The following YJU2B variants were observed in gnomAD, a reference collection of about 807,000 sequenced individuals.
YJU2B encodes the protein YJU2 splicing factor homolog B.
YJU2B carries 18 observed loss-of-function variants against 38.0 expected under a neutral mutation model. The ratio of observed to expected loss-of-function variants is 0.47; its 90% CI spans 0.33 to 0.70. The LOEUF is 0.70. Among genes scored for constraint, YJU2B ranks in the 30% least tolerant of loss-of-function variants. The pLI, the probability that YJU2B is intolerant of heterozygous loss-of-function variation, is 0.02. For missense variants in YJU2B, 538 were observed against 556.3 expected, an observed-to-expected ratio of 0.97 and a Z score of 0.33; for synonymous variants, 246 against 225.4, an observed-to-expected ratio of 1.09 and a Z score of -0.82.
upstream of YJU2B, chr19:13,747,813 C>T (rs1259592280): frequency 2.0e-5 from 3 of 152,320 alleles, no homozygotes; most frequent in East Asian, 5.8e-4. Flanking sequence ...GGCGTATCGT[C>T]CTTCAGCCAA....
chr19:13,746,965 G>A (rs1214081154), upstream of YJU2B, among the ~76,000 whole-genome samples: 1 of 152,012 alleles, frequency 6.6e-6, no homozygotes, highest in East Asian at 1.9e-4. Context: ...GAGGATGGTG[G>A]TAACACAAGT....
intron 1 of YJU2B, among the ~76,000 whole-genome samples, chr19:13,748,570 C>A (rs571075366): frequency 1.3e-5 from 2 of 151,676 alleles, no homozygotes; most frequent in South Asian, 4.1e-4. Flanking sequence ...CATCTTAAGA[C>A]ACACACACAC....
At chr19:13,757,107 C>T (rs2145153504) in intron 4 of YJU2B, among the ~76,000 whole-genome samples, 1 of 152,028 alleles carries the variant, frequency 6.6e-6, no homozygotes, top group African/African-American at 2.4e-5. Flanking sequence ...CACCACTGCA[C>T]TCTAGCATGG....
intron 3 of YJU2B, among the ~76,000 whole-genome samples, chr19:13,755,220 T>C (rs1224784823): frequency 6.6e-6 from 1 of 150,670 alleles, no homozygotes; most frequent in African/African-American, 2.4e-5. Flanking sequence ...CCCAGCACTT[T>C]GGGAGGCCAA....
Position 13,762,671 on chromosome 19 carries a change from GCAGCAAGGT to G in YJU2B, c.799_807del (p.Lys267_Ser269del). 3.8e-6 allele frequency: 6 copies of G among 1,589,972 alleles called. No individual in the cohort carries two copies. Among genetic ancestry groups the G allele is most frequent in the Non-Finnish European group, 5.1e-6 (6 of 1,173,526 alleles). On this transcript the variant is annotated inframe_deletion, in exon 10 of 10. Coordinates refer to ENST00000221554, the MANE Select transcript of YJU2B (RefSeq NM_030818.4). ...CCCTCTGCCCCCGGATCCGCCTCCA[GCAGCAAGGT>G]CAGCGGCGTCCTGAAGAAGCTGGCA...
At chr19:13,758,689 G>A (rs1973760781) in intron 6 of YJU2B, among the ~76,000 whole-genome samples, 179 bp from the exon 7 acceptor site, 1 of 152,236 alleles carries the variant, frequency 6.6e-6, no homozygotes, top group Non-Finnish European at 1.5e-5. Flanking sequence ...CTGACAGAAG[G>A]TCCGTTCTGG....
intron 2 of YJU2B, among the ~76,000 whole-genome samples, chr19:13,736,742 A>G (rs1972957800): frequency 6.6e-6 from 1 of 151,962 alleles, no homozygotes; most frequent in Non-Finnish European, 1.5e-5. Context: ...TTTAAGAGAC[A>G]GGGTCTCGGC....
At chr19:13,762,263 A>ACC in intron 8 of YJU2B, 36 bp from the exon 9 acceptor site, 1 of 1,605,040 alleles carries the variant, frequency 6.2e-7, no homozygotes, top group South Asian at 1.1e-5. Flanking sequence ...GGGCTTTGAC[A>ACC]CCCCCTATCT....
intron 2 of YJU2B, among the ~76,000 whole-genome samples, chr19:13,734,549 C>T (rs1255594955): frequency 2.0e-5 from 3 of 152,118 alleles, no homozygotes; most frequent in Non-Finnish European, 2.9e-5. Flanking sequence ...CTCGGCCTCC[C>T]GAAGTGCTGG....
rs376116418 is a variant in YJU2B at position 13,754,357 on chromosome 19, C to T, written c.57+15C>T. ...ACCCTGAGAAGGTAAGCAGGCTCTC[C>T]GCTCCAGGTCCACAGTAGCAAAAAG... On this transcript the variant is annotated intron_variant, in intron 3 of 9. Coordinates refer to ENST00000221554, the MANE Select transcript of YJU2B (RefSeq NM_030818.4). The T allele has an allele frequency of 3.4e-5, 54 of 1,606,812 alleles. No homozygotes were observed. The highest frequency in any genetic ancestry group is 1.0e-4 in the Admixed American group (6 of 59,996).
intron 2 of YJU2B, among the ~76,000 whole-genome samples, chr19:13,739,902 C>T (rs1377801762): frequency 6.6e-6 from 1 of 152,146 alleles, no homozygotes; most frequent in Non-Finnish European, 1.5e-5. Flanking sequence ...CCCCTTGGCC[C>T]CCATTCCCTG....
chr19:13,751,808 G>A lies in YJU2B; in HGVS notation c.-1G>A, dbSNP rs1303729011. ...CTGAGGACCAGTAGGCAGCTCCCAA[G>A]ATGGTGAGTAGACAGCCTCGTGTGC... On this transcript the variant is annotated 5_prime_UTR_variant, in exon 2 of 10. Coordinates refer to ENST00000221554, the MANE Select transcript of YJU2B (RefSeq NM_030818.4). 6.2e-7 allele frequency: 1 copy of A among 1,614,166 alleles called. No individual in the cohort carries two copies. The highest frequency in any genetic ancestry group is 1.1e-5 in the South Asian group (1 of 91,086).
Position 13,758,946 on chromosome 19 carries a change from G to A in YJU2B, c.336G>A (p.Val112=), listed in dbSNP as rs550575784. ...TDPANCDYVI[V]SGAQRKEERW... ...CCGCCAACTGCGACTACGTGATCGT[G>A]AGTGGCGCCCAGCGCAAGGAGGAGC... The change falls in exon 7 of 10, where the codon GTG becomes GTA. Residue 112 remains valine (V), a synonymous_variant. Transcript: ENST00000221554. 1 of 1,614,074 alleles carries A rather than the reference G, an allele frequency of 6.2e-7. No individual in the cohort carries two copies. The highest frequency in any genetic ancestry group is 1.7e-5 in the Admixed American group (1 of 60,010).
At chr19:13,744,186 C>CAAAAA (rs561659940), upstream of YJU2B, among the ~76,000 whole-genome samples, 2 of 137,224 alleles carry the variant, frequency 1.5e-5, no homozygotes, top group East Asian at 4.2e-4. Flanking sequence ...GACTTAGTCT[C>CAAAAA]AAAAAAAAAA....
rs1973928695 is a variant in YJU2B, at chr19:13,762,448, G to T, written c.712+11G>T. ...TCCACACCCTGGACTGTGCGTAGGA[G>T]GCCAGGGGGAAAAGGGGACAGGGAG... On this transcript the variant is annotated intron_variant, in intron 9 of 9. Transcript: ENST00000221554. 2 of 1,610,510 alleles carry T rather than the reference G, an allele frequency of 1.2e-6. No homozygotes were observed. Among genetic ancestry groups the T allele is most frequent in the Non-Finnish European group, 1.7e-6 (2 of 1,179,408 alleles).
intron 6 of YJU2B, 40 bp downstream of exon 6, chr19:13,757,886 G>A (rs1380377850): frequency 6.4e-7 from 1 of 1,567,904 alleles, no homozygotes; most frequent in Non-Finnish European, 8.8e-7. Context: ...CAGGTGGGGT[G>A]GCCACAGGGC....
chr19:13,756,110 A>G, intron 3 of YJU2B, 87 bp from the exon 4 acceptor site: 1 of 1,032,578 alleles, frequency 9.7e-7, no homozygotes, highest in South Asian at 1.3e-5. Flanking sequence ...CCTGTGAGAC[A>G]CTTGTCCCAA....
chr19:13,739,691 T>C lies in YJU2B; in HGVS notation c.-202+7406T>C, dbSNP rs368597279. On this transcript the variant is annotated intron_variant, in intron 2 of 10. Coordinates refer to the YJU2B transcript ENST00000586600. ...AGTTTGAGTCTAGTCCTGGCTTCTTTATCCTTCCAGTCACCAATTAGAGCT... is the reference window on the plus strand; with the variant it reads ...AGTTTGAGTCTAGTCCTGGCTTCTTCATCCTTCCAGTCACCAATTAGAGCT... 1.0e-3 allele frequency among the ~76,000 whole-genome samples: 157 copies of C among 152,286 alleles called. 3 individuals carry two copies. The highest frequency in any genetic ancestry group is 3.6e-3 in the African/African-American group (148 of 41,564).
At chr19:13,757,574 G>T in intron 5 of YJU2B, 101 bp downstream of exon 5, 2 of 1,176,786 alleles carry the variant, frequency 1.7e-6, no homozygotes, top group Non-Finnish European at 2.5e-6. Context: ...TCAGGAATGA[G>T]GGAGGAGACG....
Sources: allele counts gnomAD v4.1 joint callset (sites outside exome capture counted in the v4.1 genomes callset), GRCh38; gene constraint gnomAD v4.1.1; transcripts MANE v1.5; gene names NCBI Gene and HGNC (gene_info 2026-07-23, HGNC 2026-07-21).